PDE4D: variants seen among roughly 807,000 people sequenced by gnomAD.
The protein encoded by PDE4D is 3',5'-cyclic-AMP phosphodiesterase 4D.
A neutral mutation model predicts 87.4 loss-of-function variants in PDE4D; 24 were observed. That is an observed-to-expected ratio of 0.27 (90% CI 0.20 to 0.39). The LOEUF (loss-of-function observed/expected upper bound fraction) is 0.39. PDE4D is among the 10% of genes least tolerant of loss of function. The pLI is 1.00. For synonymous variants in PDE4D, 384 were observed against 383.2 expected, an observed-to-expected ratio of 1.00 and a Z score of -0.02; for missense variants, 714 against 1,041.0, an observed-to-expected ratio of 0.69 and a Z score of 4.32.
At chr5:60,006,755 T>C (rs185253555) in intron 2 of PDE4D, among the ~76,000 whole-genome samples, 57 of 152,100 alleles carry the variant, frequency 3.7e-4, no homozygotes, top group African/African-American at 8.4e-4. Context: ...TAAGTATCCA[T>C]TAACCTTTTA....
intron 1 of PDE4D, among the ~76,000 whole-genome samples, chr5:59,720,188 A>C (rs1755629543): frequency 6.6e-6 from 1 of 152,072 alleles, no homozygotes; most frequent in African/African-American, 2.4e-5. Flanking sequence ...AAGAGATGGG[A>C]TCTTGCTCTG....
chr5:60,232,772 G>A (rs146314381), intron 1 of PDE4D, among the ~76,000 whole-genome samples: 306 of 151,908 alleles, frequency 2.0e-3, no homozygotes, highest in Middle Eastern at 6.8e-3. Flanking sequence ...ACTGAAACGT[G>A]CTCTATGGAG....
chr5:59,317,706 G>T (rs1042331292), intron 1 of PDE4D, among the ~76,000 whole-genome samples: 3 of 152,256 alleles, frequency 2.0e-5, no homozygotes, highest in African/African-American at 7.2e-5. Context: ...GGAGATATGG[G>T]TGAGACAAGG....
intron 3 of PDE4D, among the ~76,000 whole-genome samples, chr5:59,925,340 A>C (rs910424990): frequency 1.3e-5 from 2 of 152,154 alleles, no homozygotes; most frequent in African/African-American, 2.4e-5. Flanking sequence ...TAAACCTTGT[A>C]GTAACCTCAA....
chr5:59,534,691 T>C (rs930594198), intron 1 of PDE4D, among the ~76,000 whole-genome samples: 4 of 152,172 alleles, frequency 2.6e-5, no homozygotes, highest in Non-Finnish European at 5.9e-5. Context: ...TTTTGGGTTA[T>C]TGGTAGGCAA....
At chr5:60,006,773 A>G (rs1379109618) in intron 2 of PDE4D, among the ~76,000 whole-genome samples, 1 of 151,958 alleles carries the variant, frequency 6.6e-6, no homozygotes, top group Non-Finnish European at 1.5e-5. Context: ...TTAAAAATTA[A>G]GTGCTTCTTT....
intron 6 of PDE4D, among the ~76,000 whole-genome samples, chr5:59,037,824 C>T (rs537644918): frequency 1.4e-5 from 2 of 141,328 alleles, no homozygotes; most frequent in African/African-American, 5.0e-5. Context: ...GGATAAAAAC[C>T]ATAGAAAGGT....
intron 1 of PDE4D, among the ~76,000 whole-genome samples, chr5:59,685,522 C>T (rs182946887): frequency 2.6e-4 from 39 of 152,224 alleles, no homozygotes; most frequent in African/African-American, 9.1e-4. Context: ...TTGTTAGGCA[C>T]TGAAAAAATT....
At position 59,273,688 on chromosome 5, in the gene PDE4D, T is replaced by C. The variant is rs559712244; in HGVS notation, c.456-57720A>G. On this transcript the variant is annotated intron_variant, in intron 1 of 14. Coordinates refer to ENST00000340635, the MANE Select transcript of PDE4D (RefSeq NM_001104631.2). ...AGAAATCATTCTATCCCCAAGTCTA[T>C]GGAGAATATTTTTAGTTAAATGGAA... Among the ~76,000 whole-genome samples, 7 of 152,212 alleles carry C rather than the reference T, an allele frequency of 4.6e-5. No homozygotes were observed. The East Asian group carries it at 9.7e-4, about 21-fold the overall frequency.
intron 2 of PDE4D, among the ~76,000 whole-genome samples, chr5:60,128,087 T>C (rs1218646717): frequency 6.6e-6 from 1 of 152,188 alleles, no homozygotes; most frequent in Non-Finnish European, 1.5e-5. Context: ...ATGAGTTTAC[T>C]TCTTACCTAG....
chr5:59,761,156 T>C lies in PDE4D; in HGVS notation c.455+132012A>G, dbSNP rs115768439. 3.1e-3 allele frequency among the ~76,000 whole-genome samples: 474 copies of C among 152,272 alleles called. 3 individuals carry two copies. The highest frequency in any genetic ancestry group is 0.011 in the African/African-American group (449 of 41,542). On this transcript the variant is annotated intron_variant, in intron 1 of 14. Transcript: ENST00000340635. ...GGTTAAGTATTTGTATATCTAAACA[T>C]AGAAAAGGTACAGTTAAAAATACAG...
chr5:59,466,161 T>G (rs1289322013), intron 1 of PDE4D, among the ~76,000 whole-genome samples: 1 of 152,102 alleles, frequency 6.6e-6, no homozygotes, highest in Non-Finnish European at 1.5e-5. Flanking sequence ...GAACCAGCAT[T>G]TTAGTGTTGA....
At chr5:59,174,128 C>T (rs1437285924) in intron 5 of PDE4D, among the ~76,000 whole-genome samples, 2 of 152,064 alleles carry the variant, frequency 1.3e-5, no homozygotes, top group Non-Finnish European at 2.9e-5. Flanking sequence ...TATTGTTTTT[C>T]CCCCTTATTA....
intron 3 of PDE4D, among the ~76,000 whole-genome samples, chr5:59,949,439 A>C (rs1334920379): frequency 2.0e-5 from 3 of 151,146 alleles, no homozygotes; most frequent in Non-Finnish European, 4.4e-5. Flanking sequence ...TCTCACAAAA[A>C]AAAAAAAAAA....
chr5:60,220,284 AG>A lies in PDE4D; in HGVS notation c.-89-34598del, dbSNP rs376012420. Among the ~76,000 whole-genome samples, 445 of 152,298 alleles carry A rather than the reference AG, an allele frequency of 2.9e-3. 2 individuals carry two copies. The highest frequency in any genetic ancestry group is 1.0e-2 in the African/African-American group (415 of 41,588). ...GATAAGAAAGGGACACTAACCTAACAGCATTTGCTAATTTGCCCAGGAAGTA... is the reference window on the plus strand; with the variant it reads ...GATAAGAAAGGGACACTAACCTAACACATTTGCTAATTTGCCCAGGAAGTA... On this transcript the variant is annotated intron_variant, in intron 1 of 16. Coordinates refer to the PDE4D transcript ENST00000502484.
intron 1 of PDE4D, among the ~76,000 whole-genome samples, chr5:59,349,286 T>C (rs888828502): frequency 6.6e-6 from 1 of 151,990 alleles, no homozygotes; most frequent in Non-Finnish European, 1.5e-5. Flanking sequence ...GAAAAAATAA[T>C]GGAAGTTAGG....
Position 59,847,691 on chromosome 5 carries a change from A to C in PDE4D, c.455+45477T>G, listed in dbSNP as rs563754641. Among the ~76,000 whole-genome samples the C allele has an allele frequency of 1.5e-4, 23 of 152,220 alleles. No homozygotes were observed. The South Asian group carries it at 4.6e-3, about 30-fold the overall frequency. ...CCTGGAGAGCACTGATAATTCCCAA[A>C]TTAGGCAAACAACCAGGAAAACCTC... On this transcript the variant is annotated intron_variant, in intron 1 of 14. Coordinates refer to ENST00000340635, the MANE Select transcript of PDE4D (RefSeq NM_001104631.2).
intron 1 of PDE4D, among the ~76,000 whole-genome samples, chr5:59,270,198 C>CA: frequency 6.6e-6 from 1 of 151,934 alleles, no homozygotes; most frequent in East Asian, 1.9e-4. Flanking sequence ...GTAATAGGAC[C>CA]AAAAAAAGTT....
intron 1 of PDE4D, among the ~76,000 whole-genome samples, chr5:60,333,437 G>A (rs930959731): frequency 6.6e-6 from 1 of 152,086 alleles, no homozygotes; most frequent in Admixed American, 6.5e-5. Context: ...CTGACACAGT[G>A]GGTCTGGAAG....
Sources: gnomAD v4.1 joint callset for allele counts (sites outside exome capture counted in the v4.1 genomes callset) on GRCh38, gnomAD v4.1.1 for gene constraint, MANE v1.5 for transcripts, NCBI Gene and HGNC (gene_info 2026-07-23, HGNC 2026-07-21) for gene names.